KCNMB2: variants seen among roughly 807,000 people sequenced by gnomAD.
KCNMB2 encodes the protein potassium calcium-activated channel subfamily M regulatory beta subunit 2, also known as calcium-activated potassium channel subunit beta-2.
KCNMB2 carries 9 observed loss-of-function variants against 24.5 expected under a neutral mutation model. That is an observed-to-expected ratio of 0.37 (90% confidence interval 0.22 to 0.64). The LOEUF (loss-of-function observed/expected upper bound fraction) is 0.64, where lower values mean the gene tolerates loss of function less well. Among genes scored for constraint, KCNMB2 ranks in the 30% least tolerant of loss-of-function variants. The probability of loss-of-function intolerance (pLI) is 0.63; values close to 1 mark genes in which losing one functional copy is unlikely to be tolerated. For synonymous variants in KCNMB2, 109 were observed against 104.4 expected, an observed-to-expected ratio of 1.04 and a Z score of -0.27; for missense variants, 226 against 284.3, an observed-to-expected ratio of 0.79 and a Z score of 1.47.
At chr3:178,815,577 A>G (rs116631767) in intron 2 of KCNMB2, among the ~76,000 whole-genome samples, 240 of 152,260 alleles carry the variant, frequency 1.6e-3, no homozygotes, top group African/African-American at 5.5e-3. Flanking sequence ...TGAATAAAAC[A>G]GGTAATAATG....
intron 1 of KCNMB2, among the ~76,000 whole-genome samples, chr3:178,617,489 T>G (rs1440796326): frequency 7.4e-6 from 1 of 134,714 alleles, no homozygotes. Context: ...ACCCGGGAGG[T>G]GGAGGTTGCA....
intron 1 of KCNMB2, among the ~76,000 whole-genome samples, chr3:178,753,889 C>T (rs1723931704): frequency 1.3e-5 from 2 of 151,888 alleles, no homozygotes; most frequent in African/African-American, 4.8e-5. Context: ...ATCTCTTGAA[C>T]TTATTCCTCC....
chr3:178,552,939 G>A (rs1037090711), intron 1 of KCNMB2, among the ~76,000 whole-genome samples: 3 of 151,942 alleles, frequency 2.0e-5, no homozygotes, highest in Non-Finnish European at 2.9e-5. Context: ...CTCGTGTTTC[G>A]AAGGCCTAAT....
At chr3:178,584,040 G>A (rs894568035) in intron 1 of KCNMB2, among the ~76,000 whole-genome samples, 3 of 152,204 alleles carry the variant, frequency 2.0e-5, no homozygotes, top group Non-Finnish European at 2.9e-5. Flanking sequence ...GTTTTGTAAT[G>A]TCTAACTTCT....
At chr3:178,767,406 G>A (rs1211079884) in intron 1 of KCNMB2, among the ~76,000 whole-genome samples, 1 of 152,134 alleles carries the variant, frequency 6.6e-6, no homozygotes, top group African/African-American at 2.4e-5. Flanking sequence ...ATGATTTGGG[G>A]CTGCTTCAGG....
chr3:178,794,693 G>A (rs1466717775), intron 1 of KCNMB2, among the ~76,000 whole-genome samples: 1 of 152,226 alleles, frequency 6.6e-6, no homozygotes, highest in Non-Finnish European at 1.5e-5. Flanking sequence ...AGAAGTGGCT[G>A]TTTCCAGGTC....
At position 178,656,511 on chromosome 3, in the gene KCNMB2, G is replaced by A. The variant is rs896194891; in HGVS notation, c.-68+119800G>A. 1.1e-4 allele frequency among the ~76,000 whole-genome samples: 17 copies of A among 152,266 alleles called. No individual in the cohort carries two copies. The East Asian group carries it at 1.9e-3, about 17-fold the overall frequency. On this transcript the variant is annotated intron_variant, in intron 1 of 4. Coordinates refer to ENST00000452583, the MANE Select transcript of KCNMB2 (RefSeq NM_181361.3). Reference sequence around the variant, plus strand: ...GCTCAGGCTGGGTGCGGTGGCTCACGTTCATAATCCCAGAACTTTGGGAGG... The same window carrying A: ...GCTCAGGCTGGGTGCGGTGGCTCACATTCATAATCCCAGAACTTTGGGAGG...
intron 1 of KCNMB2, among the ~76,000 whole-genome samples, chr3:178,620,329 G>GA (rs1466287138): frequency 6.6e-6 from 1 of 151,238 alleles, no homozygotes; most frequent in Non-Finnish European, 1.5e-5. Context: ...ATTTTAAATG[G>GA]AAAAAATTTT....
At chr3:178,713,995 C>T (rs1293305270) in intron 1 of KCNMB2, among the ~76,000 whole-genome samples, 5 of 152,108 alleles carry the variant, frequency 3.3e-5, no homozygotes, top group African/African-American at 1.2e-4. Context: ...AAAATATTAT[C>T]ATTATCTTCT....
At chr3:178,757,861 A>ATATATATATATAT (rs1724202995) in intron 1 of KCNMB2, among the ~76,000 whole-genome samples, 15 of 28,980 alleles carry the variant, frequency 5.2e-4, no homozygotes, top group Non-Finnish European at 8.0e-4. Flanking sequence ...CCAAGAGGAT[A>ATATATATATATAT]CATATATATA....
chr3:178,631,672 T>G (rs1719325390), intron 1 of KCNMB2, among the ~76,000 whole-genome samples: 1 of 152,190 alleles, frequency 6.6e-6, no homozygotes. Flanking sequence ...ATCTCAGGTG[T>G]GCTATTTGTC....
At chr3:178,822,219 G>A (rs1377779124) in intron 2 of KCNMB2, among the ~76,000 whole-genome samples, 1 of 152,142 alleles carries the variant, frequency 6.6e-6, no homozygotes, top group Non-Finnish European at 1.5e-5. Context: ...CCATCCCTTT[G>A]TTCATGTGAG....
intron 1 of KCNMB2, among the ~76,000 whole-genome samples, chr3:178,799,441 T>TA (rs965732457): frequency 2.2e-4 from 33 of 150,266 alleles, no homozygotes; most frequent in South Asian, 2.1e-3. Flanking sequence ...TAACTACAAA[T>TA]AAAAAAAAAT....
At chr3:178,789,363 C>T (rs1198600053) in intron 1 of KCNMB2, among the ~76,000 whole-genome samples, 1 of 152,182 alleles carries the variant, frequency 6.6e-6, no homozygotes, top group Non-Finnish European at 1.5e-5. Context: ...TAGAACCCTC[C>T]AGCAATCACC....
chr3:178,804,179 T>C (rs1012790558), intron 1 of KCNMB2, among the ~76,000 whole-genome samples: 1 of 152,224 alleles, frequency 6.6e-6, no homozygotes, highest in Admixed American at 6.5e-5. Context: ...TCTATATCCC[T>C]ATCCTGATCA....
At chr3:178,659,208 G>T (rs527771474) in intron 1 of KCNMB2, among the ~76,000 whole-genome samples, 2 of 152,224 alleles carry the variant, frequency 1.3e-5, no homozygotes. Flanking sequence ...TATGACAACT[G>T]CCAGGTGAAA....
At chr3:178,634,354 A>AGGTTTAATT (rs1352226704) in intron 1 of KCNMB2, among the ~76,000 whole-genome samples, 2 of 152,170 alleles carry the variant, frequency 1.3e-5, no homozygotes, top group Non-Finnish European at 2.9e-5. Context: ...TGAAGGAAAG[A>AGGTTTAATT]GGTTTAATTG....
chr3:178,630,178 C>A (rs141556240), intron 1 of KCNMB2, among the ~76,000 whole-genome samples: 1 of 152,180 alleles, frequency 6.6e-6, no homozygotes, highest in African/African-American at 2.4e-5. Context: ...TGAGCCATTT[C>A]TGTTTACACC....
At chr3:178,709,232 A>T (rs1722376178) in intron 1 of KCNMB2, among the ~76,000 whole-genome samples, 1 of 152,162 alleles carries the variant, frequency 6.6e-6, no homozygotes, top group Non-Finnish European at 1.5e-5. Context: ...AACATCTGCT[A>T]TGTGTATTGG....
Sources: allele counts gnomAD v4.1 joint callset (sites outside exome capture counted in the v4.1 genomes callset), GRCh38; gene constraint gnomAD v4.1.1; transcripts MANE v1.5; gene names NCBI Gene and HGNC (gene_info 2026-07-23, HGNC 2026-07-21).